The following PRRC2C variants were observed in gnomAD, a reference collection of about 807,000 sequenced individuals.
The protein encoded by PRRC2C is protein PRRC2C.
Under a neutral mutation model 317.2 loss-of-function variants are expected in PRRC2C, and 72 were observed. That is an observed-to-expected ratio of 0.23 (90% CI 0.19 to 0.28). The LOEUF (loss-of-function observed/expected upper bound fraction) is 0.28. Ranked by LOEUF, PRRC2C falls within the 10% of genes least tolerant of loss-of-function variation. PRRC2C has a pLI of 1.00. For missense variants in PRRC2C, 3,074 were observed against 3,459.7 expected (o/e 0.89, Z 2.80); for synonymous variants, 1,296 against 1,205.9 (o/e 1.07, Z -1.55).
At chr1:171,515,610 A>G (rs1672215907) in intron 4 of PRRC2C, 124 bp from the exon 5 acceptor site, 1 of 812,354 alleles carries the variant, frequency 1.2e-6, no homozygotes, top group Admixed American at 3.1e-5. Context: ...ATGGCTATGA[A>G]CAGTCATCAC....
At chr1:171,565,902 C>G (rs546670913) in intron 20 of PRRC2C, among the ~76,000 whole-genome samples, 66 of 152,250 alleles carry the variant, frequency 4.3e-4, no homozygotes, top group South Asian at 2.1e-4. Context: ...GTGTATTCAT[C>G]TGTTTGTTGG....
chr1:171,505,148 C>T (rs1170177761), intron 1 of PRRC2C, among the ~76,000 whole-genome samples: 1 of 152,048 alleles, frequency 6.6e-6, no homozygotes, highest in Non-Finnish European at 1.5e-5. Context: ...CTGCCTCAGC[C>T]TCCCGAGTAG....
At chr1:171,500,101 C>T (rs1163925382) in intron 1 of PRRC2C, among the ~76,000 whole-genome samples, 1 of 152,080 alleles carries the variant, frequency 6.6e-6, no homozygotes, top group Non-Finnish European at 1.5e-5. Context: ...GAACTCTCAT[C>T]ATGAGAATAA....
Position 171,524,855 on chromosome 1 carries a change from G to T in PRRC2C, c.1090G>T (p.Glu364Ter). The change falls in exon 10 of 35, where the codon GAA becomes TAA. Residue 364 changes from glutamate (E) to a stop codon, truncating the protein, a stop_gained. Transcript: ENST00000647382. LOFTEE classifies it high-confidence loss of function. ...DQGSKASENN[E>*]NKKETDEVSN... is the part of the protein sequence containing the mutation. ...AGGTTCAAAAGCCTCTGAAAACAAC[G>T]AAAACAAAAAAGAAACAGATGAAGT... 1 of 1,587,298 alleles carries T rather than the reference G, an allele frequency of 6.3e-7. No individual in the cohort carries two copies. Among genetic ancestry groups the T allele is most frequent in the Non-Finnish European group, 8.6e-7 (1 of 1,165,646 alleles).
At chr1:171,587,781 A>C (rs1215958865) in intron 32 of PRRC2C, 30 bp downstream of exon 32, 1 of 1,511,768 alleles carries the variant, frequency 6.6e-7, no homozygotes, top group East Asian at 2.3e-5. Flanking sequence ...TTGCTTATGA[A>C]ATTCCAATTT....
chr1:171,501,516 A>G (rs1215369231), intron 1 of PRRC2C, among the ~76,000 whole-genome samples: 1 of 152,170 alleles, frequency 6.6e-6, no homozygotes, highest in African/African-American at 2.4e-5. Flanking sequence ...AGAACCTTGA[A>G]CTTAAAATAA....
chr1:171,502,806 C>G (rs1300973592), intron 1 of PRRC2C, among the ~76,000 whole-genome samples: 3 of 152,198 alleles, frequency 2.0e-5, no homozygotes. Context: ...TCACTGCAAC[C>G]TCCACTTCCT....
rs191947499 is a variant in PRRC2C, at chr1:171,539,252, C to T, written c.2505-719C>T. ...CCGACCTCAGGTGATCCGCCCTCCT[C>T]GGCCTCCCAAAGTGAGGATTGGGAT... On this transcript the variant is annotated intron_variant, in intron 15 of 34. Coordinates refer to ENST00000647382, the MANE Select transcript of PRRC2C (RefSeq NM_001387844.1). Among the ~76,000 whole-genome samples the T allele has an allele frequency of 2.3e-3, 350 of 152,268 alleles. 1 individual carries two copies. The highest frequency in any genetic ancestry group is 7.9e-3 in the African/African-American group (329 of 41,548).
chr1:171,518,070 T>C (rs1258743258), intron 6 of PRRC2C, among the ~76,000 whole-genome samples: 1 of 152,212 alleles, frequency 6.6e-6, no homozygotes, highest in African/African-American at 2.4e-5. Context: ...AGCTGTTTTA[T>C]TTGGTTAAGT....
In PRRC2C at chr1:171,584,043, A is replaced by G; in HGVS notation, c.7497A>G (p.Gln2499=). ...CTATTCACAACTTTCCAACTGTCCA[A>G]CACCAAGAACTTGCCAAGGCACAAT... ...GTAIHNFPTV[Q]HQELAKAQSG... The change falls in exon 29 of 35, where the codon CAA becomes CAG. Residue 2499 remains glutamine, a synonymous_variant. Transcript: ENST00000647382. The G allele has an allele frequency of 6.2e-7, 1 of 1,614,000 alleles. No homozygotes were observed. The highest frequency in any genetic ancestry group is 8.5e-7 in the Non-Finnish European group (1 of 1,179,864).
At chr1:171,508,936 G>T (rs889810784) in intron 1 of PRRC2C, among the ~76,000 whole-genome samples, 5 of 151,852 alleles carry the variant, frequency 3.3e-5, no homozygotes, top group East Asian at 3.9e-4. Context: ...GCCCAGGCTG[G>T]AGTGCAGTGG....
chr1:171,502,079 C>T (rs922272212), intron 1 of PRRC2C, among the ~76,000 whole-genome samples: 2 of 152,228 alleles, frequency 1.3e-5, no homozygotes, highest in Non-Finnish European at 2.9e-5. Flanking sequence ...TACACCACCA[C>T]ACCCAGCTTT....
At position 171,523,106 on chromosome 1, in the gene PRRC2C, G is replaced by A. The variant is rs969405520; in HGVS notation, c.834-115G>A. ...CACATGTCCATGCAGAACATATTAG[G>A]TATCTTGGTGTAGAAAACACTAATG... On this transcript the variant is annotated intron_variant, in intron 7 of 34. Coordinates refer to ENST00000647382, the MANE Select transcript of PRRC2C (RefSeq NM_001387844.1). 1.7e-4 allele frequency: 149 copies of A among 899,710 alleles called. 1 individual carries two copies. The highest frequency in any genetic ancestry group is 2.1e-4 in the Non-Finnish European group (126 of 612,260). The allele number at this position is 899,710 out of a possible 1,614,324, so 55.7% of individuals were successfully genotyped here.
At chr1:171,578,741 A>G (rs1187840625) in intron 26 of PRRC2C, among the ~76,000 whole-genome samples, 2 of 151,858 alleles carry the variant, frequency 1.3e-5, no homozygotes, top group East Asian at 1.9e-4. Context: ...GGTGGCGCAC[A>G]CTCAGCTGCT....
intron 7 of PRRC2C, 118 bp from the exon 8 acceptor site, chr1:171,523,103 T>G: frequency 2.3e-6 from 2 of 882,530 alleles, no homozygotes; most frequent in Non-Finnish European, 3.4e-6. Context: ...CAGAACATAT[T>G]AGGTATCTTG....
At chr1:171,571,245 C>CT in intron 23 of PRRC2C, 75 bp from the exon 24 acceptor site, 2 of 821,120 alleles carry the variant, frequency 2.4e-6, no homozygotes, top group Middle Eastern at 2.3e-4. Flanking sequence ...CTTAGAACAC[C>CT]TTAGCATTGT....
rs527405834 is a variant in PRRC2C at position 171,592,678 on chromosome 1, G to A, written c.*831G>A. On this transcript the variant is annotated 3_prime_UTR_variant, in exon 35 of 35. Coordinates refer to ENST00000647382, the MANE Select transcript of PRRC2C (RefSeq NM_001387844.1). The stretch of plus-strand genomic sequence containing the variant: ...TCCTTGCCCCCACTCAGTCATCTTT[G>A]TATGAATCCCATGATTTGGGGGTTT... 6.6e-6 allele frequency: 1 copy of A among 151,806 alleles called. No individual in the cohort carries two copies. Among genetic ancestry groups the A allele is most frequent in the East Asian group, 1.9e-4 (1 of 5,162 alleles). The allele number at this position is 151,806 out of a possible 1,614,324, so 9.4% of individuals were successfully genotyped here.
At position 171,527,798 on chromosome 1, in the gene PRRC2C, G is replaced by T. The variant is rs1674931489; in HGVS notation, c.1208G>T (p.Gly403Val). 1 of 1,577,126 alleles carries T rather than the reference G, an allele frequency of 6.3e-7. No individual in the cohort carries two copies. Among genetic ancestry groups the T allele is most frequent in the Non-Finnish European group, 8.6e-7 (1 of 1,159,538 alleles). ...CTTTCTTCTTTATAATAGGAACGTG[G>T]AACATCTTCACATCTGCCACCACCT... is the stretch of plus-strand genomic sequence containing the variant. ...GKGPSFNQERGTSSHLPPPPK... is the reference protein window; with the variant it reads ...GKGPSFNQERVTSSHLPPPPK... Residue 403 changes from glycine to valine, a missense_variant, in exon 11 of 35, where the codon GGA becomes GTA. By Grantham distance (109) the Gly-to-Val change is moderately radical. Coordinates refer to ENST00000647382, the MANE Select transcript of PRRC2C (RefSeq NM_001387844.1).
chr1:171,547,439 T>A (rs528495846), intron 17 of PRRC2C, among the ~76,000 whole-genome samples: 1 of 152,286 alleles, frequency 6.6e-6, no homozygotes, highest in East Asian at 1.9e-4. Context: ...AGAATTATGA[T>A]GAGGTCTTTC....
Sources: gnomAD v4.1 joint callset for allele counts (sites outside exome capture counted in the v4.1 genomes callset) on GRCh38, gnomAD v4.1.1 for gene constraint, MANE v1.5 for transcripts, NCBI Gene and HGNC (gene_info 2026-07-23, HGNC 2026-07-21) for gene names.